The following LINGO1 variants were observed in gnomAD, a reference collection of about 807,000 sequenced individuals.
The protein encoded by LINGO1 is leucine rich repeat and Ig domain containing 1.
LINGO1 carries 11 observed loss-of-function variants against 37.3 expected under a neutral mutation model. That is an observed-to-expected ratio of 0.29 (90% CI 0.19 to 0.49). The LOEUF (loss-of-function observed/expected upper bound fraction) is 0.49, where lower values mean the gene tolerates loss of function less well. Among genes scored for constraint, LINGO1 ranks in the 20% least tolerant of loss-of-function variants. The pLI, the probability that LINGO1 is intolerant of heterozygous loss-of-function variation, is 0.99. For synonymous variants in LINGO1, 387 were observed against 403.0 expected, an observed-to-expected ratio of 0.96 and a Z score of 0.48; for missense variants, 585 against 878.2, an observed-to-expected ratio of 0.67 and a Z score of 4.22.
At chr15:77,622,991 C>A (rs1222096987) in intron 1 of LINGO1, among the ~76,000 whole-genome samples, 1 of 152,168 alleles carries the variant, frequency 6.6e-6, no homozygotes, top group Non-Finnish European at 1.5e-5. Flanking sequence ...TCTCCTGTGG[C>A]CCCCAGACTG....
intron 3 of LINGO1, among the ~76,000 whole-genome samples, chr15:77,663,590 C>T (rs2141177435): frequency 6.6e-6 from 1 of 152,320 alleles, no homozygotes; most frequent in Admixed American, 6.5e-5. Context: ...AACCCCTTCC[C>T]ACCTCTGAGG....
intron 2 of LINGO1, among the ~76,000 whole-genome samples, chr15:77,685,402 A>C (rs1305492658): frequency 6.6e-6 from 1 of 152,128 alleles, no homozygotes; most frequent in Non-Finnish European, 1.5e-5. Flanking sequence ...TAACTGAGAC[A>C]GTGGTTTATG....
At chr15:77,785,539 G>A (rs1226592542) in intron 1 of LINGO1, among the ~76,000 whole-genome samples, 1 of 152,098 alleles carries the variant, frequency 6.6e-6, no homozygotes, top group Non-Finnish European at 1.5e-5. Context: ...TTAGTCAGGA[G>A]ACAGTGGTCC....
intron 1 of LINGO1, among the ~76,000 whole-genome samples, chr15:77,631,000 C>T (rs1379261771): frequency 6.6e-6 from 1 of 152,206 alleles, no homozygotes; most frequent in Non-Finnish European, 1.5e-5. Context: ...ATTTTGAGCT[C>T]CTCCCTGGCT....
intron 1 of LINGO1, among the ~76,000 whole-genome samples, chr15:77,764,552 A>C (rs1388498660): frequency 6.6e-6 from 1 of 152,232 alleles, no homozygotes; most frequent in Non-Finnish European, 1.5e-5. Context: ...AACTGGCAGA[A>C]GAGGAGCGCT....
intron 1 of LINGO1, among the ~76,000 whole-genome samples, chr15:77,807,119 C>A (rs2076966516): frequency 6.6e-6 from 1 of 152,228 alleles, no homozygotes; most frequent in Non-Finnish European, 1.5e-5. Flanking sequence ...CCCAGTTCAT[C>A]CCATCTCCTA....
chr15:77,767,057 C>G (rs2076537255), intron 1 of LINGO1, among the ~76,000 whole-genome samples: 1 of 152,224 alleles, frequency 6.6e-6, no homozygotes, highest in African/African-American at 2.4e-5. Context: ...GAGAAAAACA[C>G]AGAGGTTAGG....
At chr15:77,782,950 C>T (rs1182282835) in intron 1 of LINGO1, among the ~76,000 whole-genome samples, 1 of 152,094 alleles carries the variant, frequency 6.6e-6, no homozygotes, top group African/African-American at 2.4e-5. Context: ...GTTTCCCACC[C>T]CTGTCCCCGC....
At chr15:77,733,635 C>T (rs1410596030) in intron 2 of LINGO1, among the ~76,000 whole-genome samples, 2 of 152,186 alleles carry the variant, frequency 1.3e-5, no homozygotes, top group East Asian at 3.9e-4. Context: ...CAAAGTGCTC[C>T]CTCTCATGGC....
At chr15:77,721,838 TG>T (rs1351499377) in intron 2 of LINGO1, among the ~76,000 whole-genome samples, 1 of 152,098 alleles carries the variant, frequency 6.6e-6, no homozygotes, top group Admixed American at 6.5e-5. Context: ...CCATCTGAAA[TG>T]GGCAGCCTGG....
rs535804269 is a variant in LINGO1 at position 77,614,009 on chromosome 15, C to G, written c.*35G>C. ...TGGCGGCCAGGCCCCTTCCCCTGCC[C>G]GGCCGCCCGGGGGTCCCTGCCCCCC... On this transcript the variant is annotated 3_prime_UTR_variant, in exon 2 of 2. Coordinates refer to ENST00000355300, the MANE Select transcript of LINGO1 (RefSeq NM_032808.7). 1.2e-5 allele frequency: 18 copies of G among 1,524,922 alleles called. No homozygotes were observed. Among genetic ancestry groups the G allele is most frequent in the Non-Finnish European group, 1.4e-5 (16 of 1,132,268 alleles). 94.5% of individuals were successfully genotyped at this position (1,524,922 alleles called of 1,614,324 possible). A position where few individuals can be genotyped will look rare whatever the true frequency, so the allele number is the denominator to read the frequency against.
chr15:77,687,798 G>A (rs1019596948), intron 2 of LINGO1, among the ~76,000 whole-genome samples: 4 of 152,214 alleles, frequency 2.6e-5, no homozygotes, highest in African/African-American at 9.6e-5. Flanking sequence ...GCTGGCACAT[G>A]GCAGCATTGA....
intron 1 of LINGO1, among the ~76,000 whole-genome samples, chr15:77,618,403 G>A (rs1170275758): frequency 6.6e-6 from 1 of 152,158 alleles, no homozygotes; most frequent in African/African-American, 2.4e-5. Flanking sequence ...TCTTGTTCTG[G>A]AGAACTGTCC....
At chr15:77,626,192 C>A (rs1475607413) in intron 1 of LINGO1, among the ~76,000 whole-genome samples, 1 of 152,184 alleles carries the variant, frequency 6.6e-6, no homozygotes, top group Non-Finnish European at 1.5e-5. Context: ...AGCATCCCAA[C>A]CGCGGCCACT....
chr15:77,634,808 C>T (rs928450852), upstream of LINGO1, among the ~76,000 whole-genome samples: 18 of 152,064 alleles, frequency 1.2e-4, no homozygotes, highest in African/African-American at 4.1e-4. Context: ...TCCCGCCCTC[C>T]CGCGCCGCCT....
chr15:77,776,235 G>A (rs1052672177), intron 1 of LINGO1, among the ~76,000 whole-genome samples: 1 of 151,492 alleles, frequency 6.6e-6, no homozygotes, highest in Non-Finnish European at 1.5e-5. Flanking sequence ...ATACATTGCT[G>A]TTCCCGAGGT....
At chr15:77,780,472 G>A (rs1567580440) in intron 1 of LINGO1, among the ~76,000 whole-genome samples, 1 of 152,056 alleles carries the variant, frequency 6.6e-6, no homozygotes, top group African/African-American at 2.4e-5. Flanking sequence ...GTGTCATTAT[G>A]GAGTGTCTAG....
chr15:77,813,890 C>T (rs1463845107), intron 1 of LINGO1, among the ~76,000 whole-genome samples: 6 of 152,208 alleles, frequency 3.9e-5, no homozygotes, highest in Non-Finnish European at 7.3e-5. Context: ...AGCGCCCTCC[C>T]CACCCTGCCC....
intron 1 of LINGO1, among the ~76,000 whole-genome samples, chr15:77,764,592 G>C (rs953152948): frequency 6.6e-6 from 1 of 152,212 alleles, no homozygotes; most frequent in African/African-American, 2.4e-5. Flanking sequence ...GAGAAGGCTT[G>C]CTGAAGCTCA....
Sources: allele counts gnomAD v4.1 joint callset (sites outside exome capture counted in the v4.1 genomes callset), GRCh38; gene constraint gnomAD v4.1.1; transcripts MANE v1.5; gene names NCBI Gene and HGNC (gene_info 2026-07-23, HGNC 2026-07-21).